The following PCDHGB5 variants were observed in gnomAD, a reference collection of about 807,000 sequenced individuals.
PCDHGB5 encodes protocadherin gamma subfamily B, 5.
A neutral mutation model predicts 62.9 loss-of-function variants in PCDHGB5; 48 were observed. The observed-to-expected ratio is 0.76, with a 90% CI of 0.61 to 0.97. PCDHGB5 has a LOEUF of 0.97. PCDHGB5 is among the 50% of genes least tolerant of loss of function. The pLI is 0.00. For synonymous variants in PCDHGB5, 474 were observed against 511.2 expected (o/e 0.93, Z 0.98); for missense variants, 1,118 against 1,198.6 (o/e 0.93, Z 0.99).
In PCDHGB5 at chr5:141,477,191, A is replaced by G; in HGVS notation, c.2398-17616A>G. ...GGAGATCACAGTCACCTCCGTGTACAGCCCAGTACCCGAGGATGCCCCTCT... is the reference window on the plus strand; with the variant it reads ...GGAGATCACAGTCACCTCCGTGTACGGCCCAGTACCCGAGGATGCCCCTCT... On this transcript the variant is annotated intron_variant, in intron 1 of 3. Transcript: ENST00000617380. This position sits in a 1 kb window ranked among gnomAD's most constrained non-coding sequence, Gnocchi z 4.9. 5.0e-6 allele frequency: 8 copies of G among 1,614,210 alleles called. No homozygotes were observed. The highest frequency in any genetic ancestry group is 6.8e-6 in the Non-Finnish European group (8 of 1,180,044).
chr5:141,468,351 A>T (rs1030472813), intron 1 of PCDHGB5: 1 of 149,190 alleles, frequency 6.7e-6, no homozygotes, highest in East Asian at 2.0e-4. Flanking sequence ...AAAAAAAAAG[A>T]AAGAAAAAAG....
intron 1 of PCDHGB5, chr5:141,424,569 C>A (rs1436039976): frequency 6.6e-6 from 1 of 151,996 alleles, no homozygotes; most frequent in African/African-American, 2.4e-5. Flanking sequence ...TCTCAAAAAC[C>A]TATTTTCAAA....
intron 1 of PCDHGB5, chr5:141,423,398 G>C (rs767594062): frequency 6.8e-6 from 11 of 1,614,172 alleles, no homozygotes; most frequent in Non-Finnish European, 9.3e-6. Context: ...CATAAGTCAC[G>C]CCTGCTGCAG....
chr5:141,453,926 T>C (rs1274875429), intron 1 of PCDHGB5, among the ~76,000 whole-genome samples: 1 of 152,256 alleles, frequency 6.6e-6, no homozygotes, highest in Non-Finnish European at 1.5e-5. Flanking sequence ...GATCAGTCAC[T>C]GTGTGCCTAT....
intron 1 of PCDHGB5, among the ~76,000 whole-genome samples, chr5:141,480,730 G>T (rs1261461187): frequency 6.6e-6 from 1 of 152,168 alleles, no homozygotes; most frequent in Non-Finnish European, 1.5e-5. Flanking sequence ...GTCTCTGGGG[G>T]TGGGACATAG....
At chr5:141,435,314 G>T (rs1490871069) in intron 1 of PCDHGB5, among the ~76,000 whole-genome samples, 6 of 152,006 alleles carry the variant, frequency 3.9e-5, no homozygotes, top group African/African-American at 9.7e-5. Flanking sequence ...AATCATTCAT[G>T]AACTTCCAAA....
chr5:141,489,348 G>T lies in PCDHGB5; in HGVS notation c.2398-5459G>T. On this transcript the variant is annotated intron_variant, in intron 1 of 3. Coordinates refer to ENST00000617380, the MANE Select transcript of PCDHGB5 (RefSeq NM_018925.3). The surrounding 1 kb of genome is among the most constrained non-coding windows in gnomAD (Gnocchi z 4.5). ...CTGGGCAGCTTCGTTACTCAGTGGT[G>T]GAGGAGTCTGAGCCGGGGACGCTGG... is the stretch of plus-strand genomic sequence containing the variant. 1 of 1,611,876 alleles carries T rather than the reference G, an allele frequency of 6.2e-7. No homozygotes were observed. The highest frequency in any genetic ancestry group is 8.5e-7 in the Non-Finnish European group (1 of 1,178,502).
At chr5:141,414,279 A>C in intron 1 of PCDHGB5, 1 of 1,613,350 alleles carries the variant, frequency 6.2e-7, no homozygotes, top group Non-Finnish European at 8.5e-7. Flanking sequence ...CTCTGGGAAC[A>C]GTCGTAGCCC....
chr5:141,422,670 C>T, intron 1 of PCDHGB5: 1 of 1,607,244 alleles, frequency 6.2e-7, no homozygotes, highest in Non-Finnish European at 8.5e-7. Flanking sequence ...TCGACCCGGA[C>T]AGCAAACAGA....
chr5:141,497,406 C>T lies in PCDHGB5; in HGVS notation c.2456+2541C>T, dbSNP rs892691245. 1.2e-4 allele frequency among the ~76,000 whole-genome samples: 19 copies of T among 152,174 alleles called. No individual in the cohort carries two copies. The East Asian group carries it at 1.5e-3, about 12-fold the overall frequency. ...AGCACCTTACCCCTGCCTCAACTCC[C>T]ATTCCATCAAATGAGAGGCTTAGTG... On this transcript the variant is annotated intron_variant, in intron 2 of 3. Transcript: ENST00000617380.
At chr5:141,421,069 AGATG>A in intron 1 of PCDHGB5, 1 of 598,532 alleles carries the variant, frequency 1.7e-6, no homozygotes, top group Non-Finnish European at 2.8e-6. Context: ...AAGCGGAATG[AGATG>A]GATACTCACA....
At chr5:141,464,408 T>C (rs2154568477) in intron 1 of PCDHGB5, among the ~76,000 whole-genome samples, 1 of 151,718 alleles carries the variant, frequency 6.6e-6, no homozygotes, top group African/African-American at 2.4e-5. Flanking sequence ...CTGAGATATA[T>C]ATATATCTAT....
chr5:141,429,631 G>A (rs1272926056), intron 1 of PCDHGB5, among the ~76,000 whole-genome samples: 1 of 152,132 alleles, frequency 6.6e-6, no homozygotes, highest in Non-Finnish European at 1.5e-5. Context: ...TTTTCTCACA[G>A]CTACCTATAT....
At position 141,432,195 on chromosome 5, in the gene PCDHGB5, C is replaced by G; in HGVS notation, c.2397+31671C>G. 1 of 1,614,206 alleles carries G rather than the reference C, an allele frequency of 6.2e-7. No individual in the cohort carries two copies. The highest frequency in any genetic ancestry group is 8.5e-7 in the Non-Finnish European group (1 of 1,180,050). On this transcript the variant is annotated intron_variant, in intron 1 of 3. Transcript: ENST00000617380. The surrounding 1 kb of genome is among the most constrained non-coding windows in gnomAD (Gnocchi z 6.0). ...CTCGTCTCTGTGACCGCCCACGACC[C>G]CGACTGTGAAGAGAACGCCCAGATC...
intron 1 of PCDHGB5, among the ~76,000 whole-genome samples, chr5:141,465,779 G>GT (rs879859429): frequency 0.017 from 2,504 of 144,598 alleles, 23 homozygotes; most frequent in Non-Finnish European, 0.024. Flanking sequence ...TCTTGTTACA[G>GT]TTTTTTTTTT....
intron 1 of PCDHGB5, among the ~76,000 whole-genome samples, chr5:141,434,935 T>C (rs952530533): frequency 6.6e-6 from 1 of 151,788 alleles, no homozygotes; most frequent in Non-Finnish European, 1.5e-5. Flanking sequence ...TTTTATATAA[T>C]AGATATAATT....
chr5:141,484,962 G>A (rs2099604361), intron 1 of PCDHGB5: 1 of 577,858 alleles, frequency 1.7e-6, no homozygotes, highest in Non-Finnish European at 3.1e-6. Flanking sequence ...GGCTGAGCCC[G>A]GGAGCCGCTG....
chr5:141,400,493 A>G lies in PCDHGB5; in HGVS notation c.2366A>G (p.Asn789Ser). 2 of 1,614,014 alleles carry G rather than the reference A, an allele frequency of 1.2e-6. No homozygotes were observed. The highest frequency in any genetic ancestry group is 2.2e-5 in the South Asian group (2 of 91,082). The change falls in exon 1 of 4, where the codon AAT becomes AGT. Residue 789 changes from asparagine to serine, a missense_variant. Physicochemically the swap from Asn to Ser is conservative, Grantham distance 46. Coordinates refer to ENST00000617380, the MANE Select transcript of PCDHGB5 (RefSeq NM_018925.3). ...TCTGGGGCCTTATTTCCACTTTGTA[A>G]TTCCAGCGAGTCGACTTCCCATCCT... The part of the protein sequence containing the change: ...DSSGALFPLC[N>S]SSESTSHPEL...
chr5:141,425,890 G>A (rs943076854), intron 1 of PCDHGB5, among the ~76,000 whole-genome samples: 1 of 152,118 alleles, frequency 6.6e-6, no homozygotes, highest in Non-Finnish European at 1.5e-5. Flanking sequence ...AATCTTCTTT[G>A]GTAGTAAACA....
Sources: gnomAD v4.1 joint callset for allele counts (sites outside exome capture counted in the v4.1 genomes callset) on GRCh38, gnomAD v4.1.1 for gene constraint, Gnocchi (gnomAD v3.1) non-coding constraint, MANE v1.5 for transcripts, NCBI Gene and HGNC (gene_info 2026-07-23, HGNC 2026-07-21) for gene names.